DRC11L: variants seen among roughly 807,000 people sequenced by gnomAD.
DRC11L encodes dynein regulatory complex subunit 11 like, also known as dynein regulatory complex subunit like-11.
At chr7:151,197,320 A>C in the DRC11L span, 1 of 398,028 alleles carries the variant, frequency 2.5e-6, no homozygotes, top group Non-Finnish European at 4.4e-6. Context: ...TTCCAGTTCC[A>C]TTCTCACCTG....
the DRC11L span, chr7:151,200,483 GAC>G: frequency 2.5e-6 from 1 of 399,222 alleles, no homozygotes; most frequent in East Asian, 3.6e-5. Flanking sequence ...GGACACACAG[GAC>G]ACACAGGACA....
chr7:151,203,188 C>T, the DRC11L span: 3 of 398,430 alleles, frequency 7.5e-6, no homozygotes, highest in Non-Finnish European at 1.3e-5. Context: ...AAAGGATGCA[C>T]CAGGACACCA....
the DRC11L span, chr7:151,192,910 G>A: frequency 5.0e-6 from 2 of 398,564 alleles, no homozygotes; most frequent in African/African-American, 2.1e-5. Context: ...AAGGCAGGAT[G>A]AGGGCCGGCC....
the DRC11L span, chr7:151,204,932 C>T: frequency 2.5e-6 from 1 of 398,636 alleles, no homozygotes; most frequent in Non-Finnish European, 4.4e-6. Flanking sequence ...CTCGGGGTAC[C>T]AGAAGGTGTG....
At chr7:151,194,409 G>T in the DRC11L span, 1 of 398,978 alleles carries the variant, frequency 2.5e-6, no homozygotes, top group South Asian at 1.3e-4. Flanking sequence ...CTCTCCGAGT[G>T]GCAATCAGGT....
At chr7:151,199,320 C>G in the DRC11L span, among the ~76,000 whole-genome samples, 4 of 152,096 alleles carry the variant, frequency 2.6e-5, no homozygotes, top group East Asian at 1.9e-4. The surrounding 1 kb of genome is among the most constrained non-coding windows in gnomAD (Gnocchi z 5.2). Flanking sequence ...CCTGCACCCC[C>G]GCCCCGCGGC....
At chr7:151,196,108 C>G in the DRC11L span, 5 of 261,186 alleles carry the variant, frequency 1.9e-5, no homozygotes, top group African/African-American at 1.1e-4. Context: ...GGGTGGGACA[C>G]GTCGTCAGAG....
the DRC11L span, among the ~76,000 whole-genome samples, chr7:151,201,431 CCTT>C: frequency 6.6e-6 from 1 of 152,228 alleles, no homozygotes; most frequent in Non-Finnish European, 1.5e-5. This position sits in a 1 kb window ranked among gnomAD's most constrained non-coding sequence, Gnocchi z 4.1. Flanking sequence ...GGTCCATCCT[CCTT>C]CTTGACTTCT....
the DRC11L span, chr7:151,194,650 A>G: frequency 2.5e-6 from 1 of 399,238 alleles, no homozygotes; most frequent in Admixed American, 4.4e-5. Context: ...GACATTAGCA[A>G]GTGAGAACAC....
chr7:151,190,933 T>G, the DRC11L span: 1 of 399,586 alleles, frequency 2.5e-6, no homozygotes, highest in Non-Finnish European at 4.4e-6. Context: ...CTTGGGCCAC[T>G]GCCCTGTCCC....
the DRC11L span, chr7:151,204,588 A>G: frequency 2.5e-6 from 1 of 398,864 alleles, no homozygotes; most frequent in South Asian, 1.3e-4. Context: ...CTCGTCCTTG[A>G]GCTCCAGCAC....
the DRC11L span, among the ~76,000 whole-genome samples, chr7:151,205,075 A>G: frequency 6.6e-6 from 1 of 151,770 alleles, no homozygotes; most frequent in African/African-American, 2.4e-5. Context: ...AATGGGCATG[A>G]CCTTTGGGGG....
chr7:151,203,876 A>G, the DRC11L span, among the ~76,000 whole-genome samples: 43 of 152,244 alleles, frequency 2.8e-4, no homozygotes, highest in Non-Finnish European at 5.0e-4. Context: ...ACCCCCGACC[A>G]AGTGCACTGC....
At chr7:151,200,100 G>A in the DRC11L span, among the ~76,000 whole-genome samples, 1 of 152,134 alleles carries the variant, frequency 6.6e-6, no homozygotes, top group Non-Finnish European at 1.5e-5. Flanking sequence ...CCTTCCAGCT[G>A]GGGGTGGGAA....
the DRC11L span, among the ~76,000 whole-genome samples, chr7:151,205,010 G>A: frequency 6.6e-6 from 1 of 152,238 alleles, no homozygotes; most frequent in Non-Finnish European, 1.5e-5. Flanking sequence ...AGTGGACACC[G>A]ACCTGGTCTT....
chr7:151,194,220 C>A, the DRC11L span: 1 of 398,800 alleles, frequency 2.5e-6, no homozygotes, highest in South Asian at 1.3e-4. Flanking sequence ...GGCTGCCTGC[C>A]CAGAGCTGGC....
At chr7:151,196,804 C>T in the DRC11L span, among the ~76,000 whole-genome samples, 1 of 152,196 alleles carries the variant, frequency 6.6e-6, no homozygotes, top group African/African-American at 2.4e-5. Context: ...CTGTAACGCC[C>T]CCACCCGAAG....
the DRC11L span, chr7:151,194,389 G>T: frequency 2.5e-6 from 1 of 399,010 alleles, no homozygotes; most frequent in South Asian, 1.3e-4. Context: ...GCCACTGAGT[G>T]ACAGGCACAC....
At chr7:151,196,647 G>A in the DRC11L span, 22 of 398,932 alleles carry the variant, frequency 5.5e-5, no homozygotes, top group Admixed American at 3.5e-4. Context: ...GCACACATAC[G>A]TGCACACAGA....
Sources: allele counts gnomAD v4.1 joint callset (sites outside exome capture counted in the v4.1 genomes callset), GRCh38; gene constraint gnomAD v4.1.1; non-coding constraint Gnocchi (gnomAD v3.1); transcripts MANE v1.5; gene names NCBI Gene and HGNC (gene_info 2026-07-23, HGNC 2026-07-21).